The following GLT8D2 variants were observed in gnomAD, a reference collection of about 807,000 sequenced individuals.
GLT8D2 encodes the protein glycosyltransferase 8 domain containing 2, also known as glycosyltransferase 8 domain-containing protein 2.
Under a neutral mutation model 44.5 loss-of-function variants are expected in GLT8D2, and 45 were observed. The ratio of observed to expected loss-of-function variants is 1.01; its 90% confidence interval spans 0.80 to 1.30. The LOEUF (loss-of-function observed/expected upper bound fraction) is 1.30. Among genes scored for constraint, GLT8D2 ranks in the 50% most tolerant of loss-of-function variants. The probability of loss-of-function intolerance (pLI) is 0.00; values close to 1 mark genes in which losing one functional copy is unlikely to be tolerated. For synonymous variants in GLT8D2, 156 were observed against 157.2 expected (o/e 0.99, Z 0.06); for missense variants, 400 against 430.4 (o/e 0.93, Z 0.62).
chr12:104,007,817 A>T (rs1875281117), intron 4 of GLT8D2, among the ~76,000 whole-genome samples: 1 of 152,220 alleles, frequency 6.6e-6, no homozygotes, highest in African/African-American at 2.4e-5. Context: ...GATAATCTGA[A>T]TCATGGGGGT....
Position 104,016,767 on chromosome 12 carries a change from GA to G in GLT8D2, c.20-1663del, listed in dbSNP as rs781469356. 6.0e-3 allele frequency among the ~76,000 whole-genome samples: 520 copies of G among 87,324 alleles called. 2 individuals carry two copies. Among genetic ancestry groups the G allele is most frequent in the African/African-American group, 0.016 (341 of 21,452 alleles). 57.3% of individuals were successfully genotyped at this position (87,324 alleles called of 152,430 possible). On this transcript the variant is annotated intron_variant, in intron 3 of 10. Coordinates refer to ENST00000360814, the MANE Select transcript of GLT8D2 (RefSeq NM_001384711.1). ...AGAAAGAAAGAAAGAAAGAAAGAAA[GA>G]AAGAAAGAAGGAAGGAAGGAAGGAA...
rs1306465344 is a variant in GLT8D2 at position 103,989,559 on chromosome 12, C to G, written c.899G>C (p.Arg300Thr). 1 of 1,612,264 alleles carries G rather than the reference C, an allele frequency of 6.2e-7. No individual in the cohort carries two copies. The highest frequency in any genetic ancestry group is 8.5e-7 in the Non-Finnish European group (1 of 1,179,276). The part of the protein sequence containing the change: ...IRHLGWNPDA[R>T]YSEHFLQEAK... ...TTCCTGCAGAAAATGCTCCGAATAT[C>G]TGGCATCTGGATTCCAGCCTTCATT... Residue 300 changes from arginine (R) to threonine (T), a missense_variant, in exon 11 of 11, where the codon AGA (arginine) becomes ACA (threonine). Arg to Thr is a moderately conservative substitution (Grantham distance 71). Coordinates refer to ENST00000360814, the MANE Select transcript of GLT8D2 (RefSeq NM_001384711.1).
At position 103,992,811 on chromosome 12, in the gene GLT8D2, G is replaced by T. The variant is rs938377636; in HGVS notation, c.880+581C>A. On this transcript the variant is annotated intron_variant, in intron 10 of 10. Transcript: ENST00000360814. ...CCGGCCGAAAGTTCTCTTTATAATA[G>T]TTCATGTTTACTAAGCACATACTAT... Among the ~76,000 whole-genome samples the T allele has an allele frequency of 4.2e-4, 64 of 152,048 alleles. 3 individuals carry two copies. Among genetic ancestry groups the T allele is most frequent in the Non-Finnish European group, 1.5e-5 (1 of 68,008 alleles).
rs953519236 is a variant in GLT8D2, at chr12:103,989,160, T to C, written c.*248A>G. 2.2e-5 allele frequency: 7 copies of C among 317,276 alleles called. No individual in the cohort carries two copies. Among genetic ancestry groups the C allele is most frequent in the Non-Finnish European group, 4.0e-5 (7 of 174,312 alleles). 19.7% of individuals were successfully genotyped at this position (317,276 alleles called of 1,614,324 possible). A position where few individuals can be genotyped will look rare whatever the true frequency, so the allele number is the denominator to read the frequency against. On this transcript the variant is annotated 3_prime_UTR_variant, in exon 11 of 11. Transcript: ENST00000360814. ...GAATTAAGCAGGTTGATTGCTGTTA[T>C]CTAGATGGGTCTCTTCCTTTATGTT...
intron 1 of GLT8D2, among the ~76,000 whole-genome samples, chr12:104,046,833 ATT>A (rs368894147): frequency 3.4e-5 from 5 of 147,212 alleles, no homozygotes; most frequent in Non-Finnish European, 7.5e-5. Flanking sequence ...GTCTTACTCC[ATT>A]TTTTTTTTTG....
At chr12:103,996,898 C>T (rs997422207) in intron 7 of GLT8D2, 51 bp from the exon 8 acceptor site, 3 of 1,301,852 alleles carry the variant, frequency 2.3e-6, no homozygotes, top group Admixed American at 1.8e-5. Flanking sequence ...TGTTTTTGGG[C>T]TAGATAGAGC....
chr12:103,990,372 G>A (rs958775780), intron 10 of GLT8D2, among the ~76,000 whole-genome samples: 2 of 151,884 alleles, frequency 1.3e-5, no homozygotes, highest in Non-Finnish European at 2.9e-5. Flanking sequence ...TAAACAAACA[G>A]CTATCTATCT....
In GLT8D2 at chr12:103,996,759, G is replaced by A. The variant is rs767045215; in HGVS notation, c.576C>T (p.Asp192=). 1 of 1,613,928 alleles carries A rather than the reference G, an allele frequency of 6.2e-7. No homozygotes were observed. Among genetic ancestry groups the A allele is most frequent in the Non-Finnish European group, 8.5e-7 (1 of 1,179,826 alleles). ...SDDCDLPSAQ[D]INRLVGLQNT... is the part of the protein sequence containing the mutation. ...CCTGAAGTCCCACGAGTCTGTTTAT[G>A]TCCTGAGCAGAGGGCAAATCGCAGT... Residue 192 remains aspartate, a synonymous_variant, in exon 8 of 11, where the codon GAC becomes GAT. Transcript: ENST00000360814.
intron 2 of GLT8D2, among the ~76,000 whole-genome samples, chr12:104,020,156 A>G (rs1272921392): frequency 6.6e-6 from 1 of 152,058 alleles, no homozygotes; most frequent in Non-Finnish European, 1.5e-5. Flanking sequence ...TCCTAGCCTC[A>G]AGCAATCCAT....
At chr12:103,991,360 A>G (rs1872720750) in intron 10 of GLT8D2, among the ~76,000 whole-genome samples, 1 of 151,910 alleles carries the variant, frequency 6.6e-6, no homozygotes, top group Admixed American at 6.6e-5. Flanking sequence ...CTAATTTTTC[A>G]TATTTTTAGT....
chr12:104,045,339 T>A (rs980623364), intron 1 of GLT8D2, among the ~76,000 whole-genome samples: 1 of 152,136 alleles, frequency 6.6e-6, no homozygotes. Flanking sequence ...CTAGCCCTAG[T>A]GACTTCCGTG....
At chr12:104,003,487 T>C (rs956877399) in intron 4 of GLT8D2, among the ~76,000 whole-genome samples, 181 bp from the exon 5 acceptor site, 4 of 152,006 alleles carry the variant, frequency 2.6e-5, no homozygotes, top group Admixed American at 2.0e-4. Context: ...AGCTGGTACA[T>C]AGCCAACCAC....
intron 1 of GLT8D2, among the ~76,000 whole-genome samples, chr12:104,044,210 A>T (rs1214225048): frequency 6.6e-6 from 1 of 152,064 alleles, no homozygotes; most frequent in Non-Finnish European, 1.5e-5. Context: ...AGATATCTAC[A>T]TGGCTTGCCC....
At chr12:103,994,732 C>A (rs1363116955) in intron 8 of GLT8D2, among the ~76,000 whole-genome samples, 2 of 152,156 alleles carry the variant, frequency 1.3e-5, no homozygotes, top group Non-Finnish European at 2.9e-5. Flanking sequence ...CTAGCAATAA[C>A]TCCATAAACA....
chr12:104,025,856 C>T (rs1030327790), intron 1 of GLT8D2, among the ~76,000 whole-genome samples: 1 of 151,700 alleles, frequency 6.6e-6, no homozygotes, highest in Admixed American at 6.6e-5. Context: ...TAGAGGATGA[C>T]ATGTGTCCCA....
intron 8 of GLT8D2, among the ~76,000 whole-genome samples, chr12:103,995,960 T>A (rs1873365031): frequency 6.6e-6 from 1 of 152,214 alleles, no homozygotes; most frequent in Non-Finnish European, 1.5e-5. Flanking sequence ...TATTATTACC[T>A]CTGTTTGGCA....
chr12:104,053,454 G>T (rs1161208410), upstream of GLT8D2, among the ~76,000 whole-genome samples: 1 of 152,188 alleles, frequency 6.6e-6, no homozygotes. Context: ...GTGAGCACAG[G>T]TCTTACCTCC....
intron 3 of GLT8D2, 72 bp from the exon 4 acceptor site, chr12:104,015,177 T>C (rs73177961): frequency 0.074 from 83,115 of 1,119,950 alleles, 3,814 homozygotes; most frequent in East Asian, 0.19. Context: ...TTTAGAATGG[T>C]AGTGCGAGTA....
chr12:104,056,881 A>G (rs1013026591), intron 1 of GLT8D2, among the ~76,000 whole-genome samples: 1 of 152,280 alleles, frequency 6.6e-6, no homozygotes, highest in East Asian at 1.9e-4. Context: ...ACAGCAAAGC[A>G]TGTAGTTGTG....
Sources: gnomAD v4.1 joint callset for allele counts (sites outside exome capture counted in the v4.1 genomes callset) on GRCh38, gnomAD v4.1.1 for gene constraint, MANE v1.5 for transcripts, NCBI Gene and HGNC (gene_info 2026-07-23, HGNC 2026-07-21) for gene names.